The following BNIPL variants were observed in gnomAD, a reference collection of about 807,000 sequenced individuals.
BNIPL encodes the protein BCL2 interacting protein like, also known as bcl-2/adenovirus E1B 19 kDa-interacting protein 2-like protein.
BNIPL carries 33 observed loss-of-function variants against 47.0 expected under a neutral mutation model. The ratio of observed to expected loss-of-function variants is 0.70; its 90% confidence interval spans 0.53 to 0.94. The LOEUF (loss-of-function observed/expected upper bound fraction) is 0.94, where lower values mean the gene tolerates loss of function less well. Ranked by LOEUF, BNIPL falls within the 40% of genes least tolerant of loss-of-function variation. The pLI, the probability that BNIPL is intolerant of heterozygous loss-of-function variation, is 0.00. For missense variants in BNIPL, 404 were observed against 445.2 expected, an observed-to-expected ratio of 0.91 and a Z score of 0.83; for synonymous variants, 145 against 162.7, an observed-to-expected ratio of 0.89 and a Z score of 0.83.
chr1:151,037,728 C>A, intron 2 of BNIPL, 66 bp downstream of exon 2: 2 of 1,398,112 alleles, frequency 1.4e-6, no homozygotes, highest in Non-Finnish European at 2.0e-6. Context: ...GGGGATGGCG[C>A]GGCGGCTCAT....
In BNIPL at chr1:151,043,317, C is replaced by G; in HGVS notation, c.617-15C>G. The G allele has an allele frequency of 6.4e-7, 1 of 1,574,050 alleles. No individual in the cohort carries two copies. Among genetic ancestry groups the G allele is most frequent in the African/African-American group, 1.4e-5 (1 of 74,040 alleles). ...TATTTGTTGACCAAATGAATTTTCC[C>G]CTTACACTCTCCAGGTTACCACGGT... On this transcript the variant is annotated splice_polypyrimidine_tract_variant and intron_variant, in intron 5 of 9. Transcript: ENST00000368931.
intron 4 of BNIPL, 148 bp downstream of exon 4, chr1:151,039,174 G>T: frequency 7.9e-7 from 1 of 1,258,218 alleles, no homozygotes; most frequent in Non-Finnish European, 1.0e-6. Context: ...TGGAACTTGG[G>T]CTTATAGGTC....
chr1:151,043,558 C>A (rs377146613), intron 6 of BNIPL, 38 bp from the exon 7 acceptor site: 1 of 1,592,688 alleles, frequency 6.3e-7, no homozygotes, highest in East Asian at 2.2e-5. Context: ...TCTCTGAAGC[C>A]CCTAACACAT....
chr1:151,046,415 A>G (rs914147683), intron 9 of BNIPL, among the ~76,000 whole-genome samples: 6 of 151,564 alleles, frequency 4.0e-5, no homozygotes, highest in Non-Finnish European at 5.9e-5. Flanking sequence ...GAATAAAGGA[A>G]TAATCACAGT....
intron 9 of BNIPL, 92 bp downstream of exon 9, chr1:151,046,257 GA>G: frequency 6.6e-7 from 1 of 1,521,694 alleles, no homozygotes. Context: ...ACAAAAGAAC[GA>G]AAAGCTAGAG....
In BNIPL at chr1:151,047,705, G is replaced by A; in HGVS notation, c.*1018G>A. 7.3e-7 allele frequency: 1 copy of A among 1,362,710 alleles called. No individual in the cohort carries two copies. Among genetic ancestry groups the A allele is most frequent in the South Asian group, 1.6e-5 (1 of 60,888 alleles). The allele number at this position is 1,362,710 out of a possible 1,614,324, so 84.4% of individuals were successfully genotyped here. ...AGCACCCCGCGCGGCCCGCGCGAGC[G>A]CGCCTGCGCGTCGAACCCCACCCCC... On this transcript the variant is annotated 3_prime_UTR_variant, in exon 10 of 10. Coordinates refer to ENST00000368931, the MANE Select transcript of BNIPL (RefSeq NM_138278.4).
At position 151,036,764 on chromosome 1, in the gene BNIPL, T is replaced by A; in HGVS notation, c.39T>A (p.Val13=). The change falls in exon 1 of 10, where the codon GTT becomes GTA. Residue 13 remains valine, a splice_region_variant and synonymous_variant. Coordinates refer to ENST00000368931, the MANE Select transcript of BNIPL (RefSeq NM_138278.4). ...TIQEAGKKTD[V]GVREIAEAPE... is the part of the protein sequence containing the mutation. ...AAGAGGCAGGAAAAAAGACAGATGT[T>A]GGGTAAGTAAGATCTTGGCTCACTT... is the stretch of plus-strand genomic sequence containing the variant. The A allele has an allele frequency of 6.2e-7, 1 of 1,609,172 alleles. No individual in the cohort carries two copies. Among genetic ancestry groups the A allele is most frequent in the Non-Finnish European group, 8.5e-7 (1 of 1,175,568 alleles).
Position 151,045,873 on chromosome 1 carries a change from C to T in BNIPL, c.928C>T (p.Pro310Ser). ...GAAAGCATTTCTGGCACTGCTTCGGCCCTTCATCAGGTACTAGTTCTAGGA... is the reference window on the plus strand; with the variant it reads ...GAAAGCATTTCTGGCACTGCTTCGGTCCTTCATCAGGTACTAGTTCTAGGA... ...YVKAFLALLR[P>S]FISSKFTRKI... The change falls in exon 8 of 10, where the codon CCC becomes TCC. Residue 310 changes from proline (P) to serine (S), a missense_variant. Physicochemically the swap from Pro to Ser is moderately conservative, Grantham distance 74 (BLOSUM62 -1). Coordinates refer to ENST00000368931, the MANE Select transcript of BNIPL (RefSeq NM_138278.4). 2 of 1,614,146 alleles carry T rather than the reference C, an allele frequency of 1.2e-6. No individual in the cohort carries two copies. Among genetic ancestry groups the T allele is most frequent in the South Asian group, 1.1e-5 (1 of 91,090 alleles).
chr1:151,046,804 T>C lies in BNIPL; in HGVS notation c.*117T>C. On this transcript the variant is annotated 3_prime_UTR_variant, in exon 10 of 10. Coordinates refer to ENST00000368931, the MANE Select transcript of BNIPL (RefSeq NM_138278.4). The stretch of plus-strand genomic sequence containing the variant: ...TCCCCAACCTCAGTACCACCGGATC[T>C]TCACTTCTCAGTGGGATTTTGTCCT... 1.2e-6 allele frequency: 1 copy of C among 834,188 alleles called. No homozygotes were observed. The highest frequency in any genetic ancestry group is 1.8e-5 in the South Asian group (1 of 54,408). 51.7% of individuals were successfully genotyped at this position (834,188 alleles called of 1,614,324 possible).
At position 151,036,671 on chromosome 1, in the gene BNIPL, C is replaced by T; in HGVS notation, c.-55C>T. ...AGGAAGTGTTGGGGGCTGGGACAACCAGCTCCCCAACAACTCCTAGGTGTT... is the reference window on the plus strand; with the variant it reads ...AGGAAGTGTTGGGGGCTGGGACAACTAGCTCCCCAACAACTCCTAGGTGTT... On this transcript the variant is annotated 5_prime_UTR_variant, in exon 1 of 10. Transcript: ENST00000368931. 2 of 1,508,772 alleles carry T rather than the reference C, an allele frequency of 1.3e-6. No homozygotes were observed. Among genetic ancestry groups the T allele is most frequent in the South Asian group, 1.1e-5 (1 of 88,886 alleles). 93.5% of individuals were successfully genotyped at this position (1,508,772 alleles called of 1,614,324 possible). A position where few individuals can be genotyped will look rare whatever the true frequency, so the allele number is the denominator to read the frequency against.
chr1:151,036,826 C>T, intron 1 of BNIPL, 60 bp downstream of exon 1: 1 of 1,488,148 alleles, frequency 6.7e-7, no homozygotes. Context: ...GGAGAGACTT[C>T]CCCACCACCC....
intron 2 of BNIPL, among the ~76,000 whole-genome samples, chr1:151,038,011 A>C (rs1365808323): frequency 5.4e-5 from 2 of 36,768 alleles, no homozygotes; most frequent in Non-Finnish European, 2.2e-4. Flanking sequence ...AAAAAAAAAA[A>C]AAAAAAAAAA....
intron 4 of BNIPL, among the ~76,000 whole-genome samples, chr1:151,042,203 C>T (rs1167229656): frequency 2.6e-5 from 4 of 151,902 alleles, no homozygotes; most frequent in East Asian, 1.9e-4. Flanking sequence ...CCACCTTGGC[C>T]TCCCAAAGCA....
At chr1:151,041,090 T>G (rs1365441125) in intron 4 of BNIPL, among the ~76,000 whole-genome samples, 1 of 150,878 alleles carries the variant, frequency 6.6e-6, no homozygotes, top group African/African-American at 2.4e-5. Context: ...GAGGCTGAGG[T>G]GGGAGGATCA....
At chr1:151,037,996 G>A (rs1386947226) in intron 2 of BNIPL, among the ~76,000 whole-genome samples, 3 of 68,078 alleles carry the variant, frequency 4.4e-5, no homozygotes, top group Admixed American at 1.7e-4. Context: ...GTGAAACTCT[G>A]TCTCAAAAAA....
chr1:151,045,010 A>G (rs1675957875), intron 7 of BNIPL: 2 of 1,215,344 alleles, frequency 1.6e-6, no homozygotes, highest in African/African-American at 3.2e-5. Flanking sequence ...CACGTCTGTA[A>G]TCCCAGCACT....
chr1:151,037,028 C>T (rs988394572), intron 1 of BNIPL, among the ~76,000 whole-genome samples: 6 of 152,128 alleles, frequency 3.9e-5, no homozygotes, highest in African/African-American at 1.4e-4. Context: ...ATAAATCTGC[C>T]TGTGTTCTTT....
chr1:151,044,516 C>T (rs958539301), intron 7 of BNIPL, among the ~76,000 whole-genome samples: 3 of 152,178 alleles, frequency 2.0e-5, no homozygotes, highest in African/African-American at 4.8e-5. Context: ...GATCTTGGCT[C>T]GCTGCAGCCT....
intron 1 of BNIPL, 149 bp from the exon 2 acceptor site, chr1:151,037,418 G>T (rs1251448086): frequency 1.5e-6 from 2 of 1,367,222 alleles, no homozygotes; most frequent in Non-Finnish European, 1.9e-6. Context: ...AGTGGTGAAG[G>T]TAAGAGAAGC....
Sources: gnomAD v4.1 joint callset for allele counts (sites outside exome capture counted in the v4.1 genomes callset) on GRCh38, gnomAD v4.1.1 for gene constraint, MANE v1.5 for transcripts, NCBI Gene and HGNC (gene_info 2026-07-23, HGNC 2026-07-21) for gene names.